Variants in PPP1R12B observed in about 807,000 individuals in gnomAD.
The protein encoded by PPP1R12B is protein phosphatase 1 regulatory subunit 12B.
In PPP1R12B, 76 loss-of-function variants were observed where a neutral mutation model predicts 126.1. The ratio of observed to expected loss-of-function variants is 0.60; its 90% CI spans 0.50 to 0.73. The LOEUF (loss-of-function observed/expected upper bound fraction) is 0.73, where lower values mean the gene tolerates loss of function less well. Among genes scored for constraint, PPP1R12B ranks in the 30% least tolerant of loss-of-function variants. The probability of loss-of-function intolerance (pLI) is 0.00; values close to 1 mark genes in which losing one functional copy is unlikely to be tolerated. For missense variants in PPP1R12B, 1,052 were observed against 1,205.1 expected (o/e 0.87, Z 1.88); for synonymous variants, 356 against 434.7 (o/e 0.82, Z 2.25).
At chr1:202,528,447 T>C (rs1300890630) in intron 18 of PPP1R12B, among the ~76,000 whole-genome samples, 1 of 152,254 alleles carries the variant, frequency 6.6e-6, no homozygotes, top group East Asian at 1.9e-4. Flanking sequence ...AGGAATCTAA[T>C]AAATTTGATT....
intron 6 of PPP1R12B, among the ~76,000 whole-genome samples, chr1:202,429,460 GTCC>G (rs1558213801): frequency 1.3e-5 from 2 of 152,182 alleles, no homozygotes; most frequent in Non-Finnish European, 2.9e-5. Flanking sequence ...CTAGAATTCA[GTCC>G]TCCTTTCTCT....
At chr1:202,388,829 A>T (rs1663597676) in intron 1 of PPP1R12B, among the ~76,000 whole-genome samples, 1 of 152,230 alleles carries the variant, frequency 6.6e-6, no homozygotes, top group South Asian at 2.1e-4. Context: ...TAATATGCAG[A>T]AATAGTCAAG....
At chr1:202,540,453 G>C (rs1242697317) in intron 18 of PPP1R12B, among the ~76,000 whole-genome samples, 2 of 152,188 alleles carry the variant, frequency 1.3e-5, no homozygotes, top group Admixed American at 1.3e-4. Flanking sequence ...AGTAAAAGCA[G>C]ACTTAAATAT....
At chr1:202,537,659 A>G (rs1006016389) in intron 18 of PPP1R12B, among the ~76,000 whole-genome samples, 5 of 152,260 alleles carry the variant, frequency 3.3e-5, no homozygotes, top group Non-Finnish European at 7.3e-5. Context: ...TTCCCTCTCT[A>G]ATTGCCAGTG....
chr1:202,520,804 A>C lies in PPP1R12B; in HGVS notation c.2490+23982A>C, dbSNP rs2148914653. 2.0e-5 allele frequency among the ~76,000 whole-genome samples: 3 copies of C among 152,316 alleles called. No individual in the cohort carries two copies. In the South Asian group the frequency reaches 6.2e-4, roughly 32 times the overall value. The stretch of plus-strand genomic sequence containing the variant: ...TTCAAAAACAGAGAAATTATGCATA[A>C]ATATTTTTAAAGGTTTTAAAAAATA... On this transcript the variant is annotated intron_variant, in intron 18 of 23. Coordinates refer to ENST00000608999, the MANE Select transcript of PPP1R12B (RefSeq NM_002481.4).
intron 1 of PPP1R12B, among the ~76,000 whole-genome samples, chr1:202,356,377 C>A (rs1193636324): frequency 6.6e-6 from 1 of 152,030 alleles, no homozygotes; most frequent in East Asian, 1.9e-4. Flanking sequence ...GCAGAAAACA[C>A]AAGCAGCTGG....
chr1:202,356,192 A>ATAAG (rs1004790708), intron 1 of PPP1R12B, among the ~76,000 whole-genome samples: 2 of 151,860 alleles, frequency 1.3e-5, no homozygotes, highest in African/African-American at 4.8e-5. Context: ...TCTCAAATAA[A>ATAAG]TAAGTAAGTA....
intron 1 of PPP1R12B, among the ~76,000 whole-genome samples, chr1:202,366,008 C>A (rs1310671913): frequency 3.3e-5 from 5 of 151,464 alleles, no homozygotes; most frequent in African/African-American, 9.7e-5. Flanking sequence ...CGCCCCCCCA[C>A]AAAAAAACCT....
rs1656536436 is a variant in PPP1R12B, at chr1:202,353,863, T to A, written c.291+4721T>A. 2.0e-5 allele frequency among the ~76,000 whole-genome samples: 3 copies of A among 152,068 alleles called. No individual in the cohort carries two copies. In the East Asian group the frequency reaches 5.8e-4, roughly 29 times the overall value. Reference sequence around the variant, plus strand: ...CCTGGGCTAAAACAATCCTCCCCCCTCGGCCTCCCAAAGTGCTCGGATTAC... The same window carrying A: ...CCTGGGCTAAAACAATCCTCCCCCCACGGCCTCCCAAAGTGCTCGGATTAC... On this transcript the variant is annotated intron_variant, in intron 1 of 23. Coordinates refer to ENST00000608999, the MANE Select transcript of PPP1R12B (RefSeq NM_002481.4).
At position 202,442,529 on chromosome 1, in the gene PPP1R12B, C is replaced by A; in HGVS notation, c.1624C>A (p.Gln542Lys). The change falls in exon 12 of 24, where the codon CAG becomes AAG. Residue 542 changes from glutamine (Q) to lysine (K), a missense_variant. Physicochemically the swap from Gln to Lys is moderately conservative, Grantham distance 53. Coordinates refer to ENST00000608999, the MANE Select transcript of PPP1R12B (RefSeq NM_002481.4). ...TGAAGCAAAAGGAAATGAAATCCCA[C>A]AGACAATTGCTCCCTCCACCTATGT... ...RDEAKGNEIP[Q>K]TIAPSTYVST... 1 of 1,613,772 alleles carries A rather than the reference C, an allele frequency of 6.2e-7. No homozygotes were observed. Among genetic ancestry groups the A allele is most frequent in the Non-Finnish European group, 8.5e-7 (1 of 1,179,862 alleles).
chr1:202,413,981 G>GT (rs1198415357), intron 1 of PPP1R12B, among the ~76,000 whole-genome samples: 5 of 152,078 alleles, frequency 3.3e-5, no homozygotes, highest in African/African-American at 1.2e-4. Flanking sequence ...GAGTGCAGTG[G>GT]TGCCATCCTG....
chr1:202,358,681 C>CA lies in PPP1R12B; in HGVS notation c.291+9556dup, dbSNP rs200723132. 3.8e-3 allele frequency among the ~76,000 whole-genome samples: 418 copies of CA among 108,952 alleles called. 1 individual carries two copies. The highest frequency in any genetic ancestry group is 9.6e-3 in the South Asian group (36 of 3,732). 71.5% of individuals were successfully genotyped at this position (108,952 alleles called of 152,430 possible). On this transcript the variant is annotated intron_variant, in intron 1 of 23. Transcript: ENST00000608999. ...TGGGTGACAGAGCGAGACTCCGTCT[C>CA]AAAAAAAAAAAAAAAAACTGAAACT...
chr1:202,462,389 T>C (rs1440959711), intron 13 of PPP1R12B, among the ~76,000 whole-genome samples: 1 of 152,198 alleles, frequency 6.6e-6, no homozygotes, highest in Non-Finnish European at 1.5e-5. Flanking sequence ...GCATTTGTCA[T>C]GCGTTTCTCA....
At chr1:202,521,393 A>G (rs1682772711) in intron 18 of PPP1R12B, among the ~76,000 whole-genome samples, 1 of 152,232 alleles carries the variant, frequency 6.6e-6, no homozygotes, top group Non-Finnish European at 1.5e-5. Context: ...GAGAGAATTT[A>G]TACCTGAGAA....
chr1:202,440,497 T>C (rs927349096), intron 10 of PPP1R12B, among the ~76,000 whole-genome samples: 1 of 152,224 alleles, frequency 6.6e-6, no homozygotes, highest in Non-Finnish European at 1.5e-5. Flanking sequence ...CCATGAGAAT[T>C]ATTTCCCTTC....
chr1:202,398,433 ACT>A (rs1173511750), intron 1 of PPP1R12B, among the ~76,000 whole-genome samples: 2 of 152,112 alleles, frequency 1.3e-5, no homozygotes, highest in African/African-American at 4.8e-5. Context: ...TCTTCACTGA[ACT>A]CTCTTCGTTA....
chr1:202,348,865 A>G lies in PPP1R12B; in HGVS notation c.14A>G (p.Glu5Gly), dbSNP rs1655391547. The change falls in exon 1 of 24, where the codon GAG becomes GGG. Residue 5 changes from glutamate (E) to glycine (G), a missense_variant. Physicochemically the swap from Glu to Gly is moderately conservative, Grantham distance 98 (BLOSUM62 -2). Transcript: ENST00000608999. ...GAGGCCGGAGCAATGGCGGAACTGG[A>G]GCACCTAGGAGGGAAGCGGGCAGAG... MAEL[E>G]HLGGKRAESA... 6.2e-7 allele frequency: 1 copy of G among 1,608,668 alleles called. No individual in the cohort carries two copies. The highest frequency in any genetic ancestry group is 1.3e-5 in the African/African-American group (1 of 74,690).
rs1246667242 is a variant in PPP1R12B, at chr1:202,488,568, A to AGTCT, written c.1887_1890dup (p.Leu631ValfsTer47). ...ACTCCTGTACGGGATGAGGAAGCAGAGTCTTTACGGAAAGCACGCTCCAGA... is the reference window on the plus strand; with the variant it reads ...ACTCCTGTACGGGATGAGGAAGCAGAGTCTGTCTTTACGGAAAGCACGCTCCAGA... On this transcript the variant is annotated frameshift_variant, in exon 14 of 24. Coordinates refer to ENST00000608999, the MANE Select transcript of PPP1R12B (RefSeq NM_002481.4). LOFTEE classifies it high-confidence loss of function. 1 of 1,612,974 alleles carries AGTCT rather than the reference A, an allele frequency of 6.2e-7. No individual in the cohort carries two copies. Among genetic ancestry groups the AGTCT allele is most frequent in the Non-Finnish European group, 8.5e-7 (1 of 1,179,434 alleles).
intron 14 of PPP1R12B, among the ~76,000 whole-genome samples, chr1:202,491,556 T>C (rs1191509289): frequency 2.6e-5 from 4 of 152,242 alleles, no homozygotes; most frequent in Non-Finnish European, 4.4e-5. Context: ...ATATATTTAT[T>C]GAATAAAAAA....
Sources: allele counts gnomAD v4.1 joint callset (sites outside exome capture counted in the v4.1 genomes callset), GRCh38; gene constraint gnomAD v4.1.1; transcripts MANE v1.5; gene names NCBI Gene and HGNC (gene_info 2026-07-23, HGNC 2026-07-21).